ZNF683: variants seen among roughly 807,000 people sequenced by gnomAD.
ZNF683 encodes the protein tissue-resident T-cell transcription regulator protein ZNF683.
In ZNF683, 20 loss-of-function variants were observed where a neutral mutation model predicts 31.4. The ratio of observed to expected loss-of-function variants is 0.64; its 90% CI spans 0.45 to 0.93. ZNF683 has a LOEUF of 0.93. Among genes scored for constraint, ZNF683 ranks in the 40% least tolerant of loss-of-function variants. The probability of loss-of-function intolerance (pLI) is 0.00; values close to 1 mark genes in which losing one functional copy is unlikely to be tolerated. For missense variants in ZNF683, 621 were observed against 637.2 expected (o/e 0.97, Z 0.27); for synonymous variants, 264 against 267.6 (o/e 0.99, Z 0.13).
At chr1:26,369,966 C>G (rs1053320343) in intron 1 of ZNF683, among the ~76,000 whole-genome samples, 1 of 151,818 alleles carries the variant, frequency 6.6e-6, no homozygotes, top group Non-Finnish European at 1.5e-5. Flanking sequence ...TACACTCTAG[C>G]CTGGGCGAGG....
intron 3 of ZNF683, 39 bp downstream of exon 3, chr1:26,367,554 T>C: frequency 6.7e-7 from 1 of 1,502,058 alleles, no homozygotes. Context: ...CCCTCCAGCC[T>C]CTGCCAGGCG....
rs2074492085 is a variant in ZNF683 at position 26,365,184 on chromosome 1, T to C, written c.362A>G (p.Lys121Arg). 6.2e-7 allele frequency: 1 copy of C among 1,609,636 alleles called. No individual in the cohort carries two copies. Among genetic ancestry groups the C allele is most frequent in the African/African-American group, 1.3e-5 (1 of 74,894 alleles). Residue 121 changes from lysine to arginine, a missense_variant, in exon 4 of 6, where the codon AAG becomes AGG. By Grantham distance (26) the Lys-to-Arg change is conservative (BLOSUM62 2). Transcript: ENST00000349618. ...PGLQASSTDD[K>R]KFTVKYPQNK... Reference sequence around the variant, plus strand: ...CTGTGGGTACTTGACTGTGAATTTCTTGTCATCGGTGGAGCTGGCCTGCAG... The same window carrying C: ...CTGTGGGTACTTGACTGTGAATTTCCTGTCATCGGTGGAGCTGGCCTGCAG...
Position 26,364,680 on chromosome 1 carries a change from C to T in ZNF683, c.866G>A (p.Gly289Asp). The T allele has an allele frequency of 1.2e-6, 2 of 1,613,964 alleles. No homozygotes were observed. The highest frequency in any genetic ancestry group is 1.7e-6 in the Non-Finnish European group (2 of 1,179,880). ...APTDSPGLER[G>D]GMASPAKRVP... ...CCGCTTTGCTGGAGATGCCATGCCACCACGCTCCAGGCCTGGGGAGTCGGT... is the reference window on the plus strand; with the variant it reads ...CCGCTTTGCTGGAGATGCCATGCCATCACGCTCCAGGCCTGGGGAGTCGGT... Residue 289 changes from glycine to aspartate, a missense_variant, in exon 4 of 6, where the codon GGT (glycine) becomes GAT (aspartate). Transcript: ENST00000349618.
chr1:26,362,071 G>A (rs762455635), intron 5 of ZNF683, 49 bp from the exon 6 acceptor site: 2 of 1,614,046 alleles, frequency 1.2e-6, no homozygotes, highest in South Asian at 1.1e-5. Context: ...GGCTGGCTCA[G>A]GCATTCTACT....
chr1:26,369,263 TA>T (rs951847932), intron 1 of ZNF683, among the ~76,000 whole-genome samples: 1 of 149,916 alleles, frequency 6.7e-6, no homozygotes, highest in East Asian at 2.0e-4. Context: ...ATAAAATAAA[TA>T]AAAAAATAAA....
rs1488433537 is a variant in ZNF683, at chr1:26,361,796, T to G, written c.1370A>C (p.Asp457Ala). The change falls in exon 6 of 6, where the codon GAT becomes GCT. Residue 457 changes from aspartate (D) to alanine (A), a missense_variant. Coordinates refer to ENST00000349618, the MANE Select transcript of ZNF683 (RefSeq NM_001114759.3). ...TTTCTCAGATGCCACCGCCATAAGA[T>G]CTAGTGCCCCCTGGTGCCATTGGGC... is the stretch of plus-strand genomic sequence containing the variant. The part of the protein sequence containing the change: ...CLAQWHQGAL[D>A]LMAVASEKHM... 1.9e-6 allele frequency: 3 copies of G among 1,613,908 alleles called. No individual in the cohort carries two copies. The Admixed American group carries it at 5.0e-5, about 27-fold the overall frequency.
chr1:26,362,803 T>G (rs2074417379), intron 5 of ZNF683, among the ~76,000 whole-genome samples: 1 of 152,182 alleles, frequency 6.6e-6, no homozygotes, highest in Admixed American at 6.5e-5. Flanking sequence ...ACACTCTCCA[T>G]GACCTCCAAC....
chr1:26,370,470 G>A (rs2074642864), intron 1 of ZNF683, among the ~76,000 whole-genome samples: 1 of 152,102 alleles, frequency 6.6e-6, no homozygotes, highest in South Asian at 2.1e-4. Flanking sequence ...CCCAGCAAAT[G>A]CCCCAAGACC....
rs201300386 is a variant in ZNF683 at position 26,368,468 on chromosome 1, C to T, written c.104G>A (p.Arg35Gln). ...GGGGTTCTACCTTACCTGGTCACCTCGGAAGAGCTGGAAGTCCAGGCTGGG... is the reference window on the plus strand; with the variant it reads ...GGGGTTCTACCTTACCTGGTCACCTTGGAAGAGCTGGAAGTCCAGGCTGGG... Reference protein sequence around the residue: ...LSPSLDFQLFRGDQVFSACRP... With the variant: ...LSPSLDFQLFQGDQVFSACRP... Residue 35 changes from arginine (R) to glutamine (Q), a missense_variant, in exon 2 of 6, where the codon CGA (arginine) becomes CAA (glutamine). Physicochemically the swap from Arg to Gln is conservative, Grantham distance 43. Transcript: ENST00000349618. The T allele has an allele frequency of 2.0e-5, 32 of 1,593,446 alleles. No homozygotes were observed. The highest frequency in any genetic ancestry group is 5.4e-5 in the African/African-American group (4 of 74,146).
intron 3 of ZNF683, among the ~76,000 whole-genome samples, chr1:26,366,137 G>A (rs1350993101): frequency 6.6e-6 from 1 of 152,128 alleles, no homozygotes; most frequent in African/African-American, 2.4e-5. Context: ...CCGAGATCAT[G>A]CCATTGCACT....
At chr1:26,365,389 C>T (rs1194757752) in intron 3 of ZNF683, among the ~76,000 whole-genome samples, 163 bp from the exon 4 acceptor site, 1 of 152,162 alleles carries the variant, frequency 6.6e-6, no homozygotes, top group African/African-American at 2.4e-5. Context: ...AGTTCAAGGT[C>T]CCTATTAGAC....
At chr1:26,368,723 G>T in intron 1 of ZNF683, 138 bp from the exon 2 acceptor site, 1 of 981,952 alleles carries the variant, frequency 1.0e-6, no homozygotes, top group Non-Finnish European at 1.4e-6. Context: ...TTCCCTATCC[G>T]CAAAATGGGA....
chr1:26,361,909 G>T lies in ZNF683; in HGVS notation c.1257C>A (p.Ile419=), dbSNP rs149854606. 8 of 1,613,886 alleles carry T rather than the reference G, an allele frequency of 5.0e-6. No individual in the cohort carries two copies. In the South Asian group the frequency reaches 7.7e-5, roughly 16 times the overall value. ...SVCRSRFTQH[I]HLKLHHRLHA... ...GCAGCCGATGGTGCAGCTTCAGGTG[G>T]ATGTGCTGGGTGAAGCGACTCCGGC... The change falls in exon 6 of 6, where the codon ATC becomes ATA. Residue 419 remains isoleucine (I), a synonymous_variant. Transcript: ENST00000349618.
chr1:26,367,840 C>T, intron 2 of ZNF683, 43 bp from the exon 3 acceptor site: 2 of 1,458,610 alleles, frequency 1.4e-6, no homozygotes, highest in Non-Finnish European at 1.8e-6. Flanking sequence ...GTGACTGGGA[C>T]TCCATGGGTC....
chr1:26,362,174 A>T, intron 5 of ZNF683, 152 bp from the exon 6 acceptor site: 2 of 1,590,648 alleles, frequency 1.3e-6, no homozygotes, highest in Non-Finnish European at 8.6e-7. Context: ...AACCCACGGT[A>T]TCTAGCACAT....
intron 1 of ZNF683, among the ~76,000 whole-genome samples, 198 bp from the exon 2 acceptor site, chr1:26,368,783 A>T (rs2074594316): frequency 6.6e-6 from 1 of 152,240 alleles, no homozygotes; most frequent in Non-Finnish European, 1.5e-5. Flanking sequence ...GACATTTAGA[A>T]GCCAGTGATG....
intron 1 of ZNF683, chr1:26,372,403 A>C: frequency 8.8e-7 from 1 of 1,130,500 alleles, no homozygotes; most frequent in Non-Finnish European, 1.2e-6. Context: ...TGAGGGAGGC[A>C]AAAGGTACCT....
upstream of ZNF683, chr1:26,374,225 A>T: frequency 7.7e-7 from 1 of 1,302,414 alleles, no homozygotes; most frequent in Non-Finnish European, 1.0e-6. Context: ...ATCACAGGGA[A>T]GTGAGGGGCA....
At chr1:26,362,662 C>T (rs1426199284) in intron 5 of ZNF683, among the ~76,000 whole-genome samples, 7 of 152,112 alleles carry the variant, frequency 4.6e-5, no homozygotes, top group Non-Finnish European at 4.4e-5. Flanking sequence ...TCTGATTTCC[C>T]GAGGGATGTG....
Sources: gnomAD v4.1 joint callset for allele counts (sites outside exome capture counted in the v4.1 genomes callset) on GRCh38, gnomAD v4.1.1 for gene constraint, MANE v1.5 for transcripts, NCBI Gene and HGNC (gene_info 2026-07-23, HGNC 2026-07-21) for gene names.